Variants in PTPRD observed in about 807,000 individuals in gnomAD.
The protein encoded by PTPRD is protein tyrosine phosphatase receptor type D.
Under a neutral mutation model 214.5 loss-of-function variants are expected in PTPRD, and 34 were observed. That is an observed-to-expected ratio of 0.16 (90% CI 0.12 to 0.21). PTPRD has a LOEUF of 0.21. Among genes scored for constraint, PTPRD ranks in the 10% least tolerant of loss-of-function variants. The probability of loss-of-function intolerance (pLI) is 1.00; values close to 1 mark genes in which losing one functional copy is unlikely to be tolerated. For synonymous variants in PTPRD, 1,128 were observed against 845.7 expected (o/e 1.33, Z -5.79); for missense variants, 2,545 against 2,398.7 (o/e 1.06, Z -1.27).
At chr9:9,181,619 T>G (rs957756109) in intron 10 of PTPRD, among the ~76,000 whole-genome samples, 1 of 152,024 alleles carries the variant, frequency 6.6e-6, no homozygotes, top group African/African-American at 2.4e-5. Context: ...TATCTTTATT[T>G]AACAAATGAG....
intron 6 of PTPRD, among the ~76,000 whole-genome samples, chr9:9,760,329 G>T (rs577234531): frequency 6.6e-6 from 1 of 152,076 alleles, no homozygotes; most frequent in Admixed American, 6.6e-5. Flanking sequence ...TTTTATGTAA[G>T]ACAAAGTCCA....
At chr9:8,373,643 G>C (rs865916941) in intron 39 of PTPRD, among the ~76,000 whole-genome samples, 2 of 79,864 alleles carry the variant, frequency 2.5e-5, no homozygotes, top group South Asian at 7.6e-4. Flanking sequence ...GTGTGTGTGT[G>C]TGTGTGTGTG....
At chr9:8,528,328 A>G (rs895673065) in intron 15 of PTPRD, 25 of 491,156 alleles carry the variant, frequency 5.1e-5, no homozygotes, top group Non-Finnish European at 8.6e-5. Flanking sequence ...GTAAATTAAA[A>G]AATTACCAAA....
chr9:9,475,283 C>A (rs1260511503), intron 8 of PTPRD, among the ~76,000 whole-genome samples: 1 of 152,156 alleles, frequency 6.6e-6, no homozygotes, highest in Non-Finnish European at 1.5e-5. Context: ...ACATGTACAG[C>A]AACCATCCAA....
At chr9:9,020,231 A>T (rs905968827) in intron 10 of PTPRD, among the ~76,000 whole-genome samples, 7 of 152,206 alleles carry the variant, frequency 4.6e-5, no homozygotes, top group Non-Finnish European at 7.3e-5. Context: ...GCTCTAAAAA[A>T]GTGGAAGGAT....
intron 5 of PTPRD, among the ~76,000 whole-genome samples, chr9:9,929,689 G>A (rs1326719760): frequency 6.6e-6 from 1 of 152,118 alleles, no homozygotes; most frequent in Non-Finnish European, 1.5e-5. Flanking sequence ...ACAGCGCCTG[G>A]CCAAGAAAAC....
intron 2 of PTPRD, among the ~76,000 whole-genome samples, chr9:10,533,251 T>G (rs1238905473): frequency 2.0e-5 from 3 of 152,116 alleles, no homozygotes; most frequent in Non-Finnish European, 2.9e-5. Context: ...AATGGTGAGC[T>G]AAATAAACAT....
At chr9:9,181,675 T>C (rs577184414) in intron 10 of PTPRD, among the ~76,000 whole-genome samples, 1 of 152,134 alleles carries the variant, frequency 6.6e-6, no homozygotes, top group Admixed American at 6.6e-5. Flanking sequence ...ATCAAATGGC[T>C]AATAAGTAGA....
chr9:10,259,171 T>C (rs1002941840), intron 3 of PTPRD, among the ~76,000 whole-genome samples: 50 of 151,412 alleles, frequency 3.3e-4, no homozygotes, highest in African/African-American at 8.7e-4. Context: ...TACAGGTGCC[T>C]GCCACCACGC....
chr9:10,003,238 A>G (rs1210028963), intron 4 of PTPRD, among the ~76,000 whole-genome samples: 4 of 151,774 alleles, frequency 2.6e-5, no homozygotes, highest in Non-Finnish European at 5.9e-5. Context: ...TATGCCTAGA[A>G]TACTGGATCT....
At chr9:10,132,218 T>G (rs184776592) in intron 3 of PTPRD, among the ~76,000 whole-genome samples, 58 of 152,248 alleles carry the variant, frequency 3.8e-4, no homozygotes, top group African/African-American at 1.3e-3. Flanking sequence ...GAAAATGATG[T>G]GAGACTTTCC....
intron 12 of PTPRD, among the ~76,000 whole-genome samples, chr9:8,688,631 G>A (rs12351819): frequency 0.14 from 20,206 of 147,310 alleles, 3,277 homozygotes; most frequent in African/African-American, 0.39. Flanking sequence ...TATAAAAAAA[G>A]AAAGTTATGT....
intron 2 of PTPRD, among the ~76,000 whole-genome samples, chr9:10,607,961 A>G (rs1044565497): frequency 2.0e-5 from 3 of 151,956 alleles, no homozygotes; most frequent in Admixed American, 6.6e-5. Flanking sequence ...ATAGCATGTG[A>G]GATGGTACTG....
intron 10 of PTPRD, among the ~76,000 whole-genome samples, chr9:9,098,750 G>T (rs111777299): frequency 6.6e-6 from 1 of 152,024 alleles, no homozygotes; most frequent in Non-Finnish European, 1.5e-5. Context: ...CAACATTTTG[G>T]GGAAAAATTA....
intron 35 of PTPRD, among the ~76,000 whole-genome samples, chr9:8,436,093 T>G (rs1464943413): frequency 6.6e-6 from 1 of 152,200 alleles, no homozygotes; most frequent in Admixed American, 6.5e-5. Context: ...TTCTAGGAAC[T>G]GAAAAATCAG....
chr9:9,084,820 G>C (rs2099764658), intron 10 of PTPRD, among the ~76,000 whole-genome samples: 1 of 152,090 alleles, frequency 6.6e-6, no homozygotes, highest in Non-Finnish European at 1.5e-5. Flanking sequence ...CATCAAAAGA[G>C]CCATCCAAAC....
intron 7 of PTPRD, 147 bp from the exon 8 acceptor site, chr9:9,574,928 A>C (rs1412481528): frequency 6.6e-6 from 1 of 152,130 alleles, no homozygotes; most frequent in Non-Finnish European, 1.5e-5. Flanking sequence ...TTTTGACTAC[A>C]GTATTTGTCT....
intron 3 of PTPRD, among the ~76,000 whole-genome samples, chr9:10,200,117 C>T (rs1216307581): frequency 2.6e-5 from 4 of 152,052 alleles, no homozygotes; most frequent in Non-Finnish European, 5.9e-5. Context: ...ATATGTACTT[C>T]TGAACCCTTG....
chr9:9,351,580 C>A (rs2051162903), intron 9 of PTPRD, among the ~76,000 whole-genome samples: 2 of 152,054 alleles, frequency 1.3e-5, no homozygotes, highest in Admixed American at 6.6e-5. Flanking sequence ...GACACCCTGA[C>A]ACAGAACATG....
Sources: gnomAD v4.1 joint callset for allele counts (sites outside exome capture counted in the v4.1 genomes callset) on GRCh38, gnomAD v4.1.1 for gene constraint, MANE v1.5 for transcripts, NCBI Gene and HGNC (gene_info 2026-07-23, HGNC 2026-07-21) for gene names.